Variants in TACC2 observed in about 807,000 individuals in gnomAD.
TACC2 encodes transforming acidic coiled-coil-containing protein 2.
Under a neutral mutation model 227.3 loss-of-function variants are expected in TACC2, and 137 were observed. That is an observed-to-expected ratio of 0.60 (90% CI 0.52 to 0.69). The LOEUF is 0.69. Ranked by LOEUF, TACC2 falls within the 30% of genes least tolerant of loss-of-function variation. The pLI is 0.00. For synonymous variants in TACC2, 1,523 were observed against 1,487.5 expected (o/e 1.02, Z -0.55); for missense variants, 3,470 against 3,694.4 (o/e 0.94, Z 1.57).
rs751695214 is a variant in TACC2 at position 122,085,186 on chromosome 10, G to A, written c.2686G>A (p.Ala896Thr). The A allele has an allele frequency of 1.2e-6, 2 of 1,614,002 alleles. No individual in the cohort carries two copies. The highest frequency in any genetic ancestry group is 2.7e-5 in the African/African-American group (2 of 74,908). The change falls in exon 4 of 23, where the codon GCT becomes ACT. Residue 896 changes from alanine to threonine, a missense_variant. This residue lies in a region of TACC2 where 1,924 missense variants were observed against 1,978.3 expected (regional missense o/e 0.97). Coordinates refer to ENST00000369005, the MANE Select transcript of TACC2 (RefSeq NM_206862.4). ...GCCCACTCATGGAGGACAGGAGCAG[G>A]CTTTGGGATCAGAACTTCAAAGTCA... Reference protein sequence around the residue: ...NLPTHGGQEQALGSELQSQLP... With the variant: ...NLPTHGGQEQTLGSELQSQLP...
At chr10:122,143,087 G>T (rs550266716) in intron 6 of TACC2, among the ~76,000 whole-genome samples, 3 of 152,332 alleles carry the variant, frequency 2.0e-5, no homozygotes, top group South Asian at 4.1e-4. Flanking sequence ...TGGTCCCGGG[G>T]CAGGTTCCCG....
In TACC2 at chr10:122,211,440, A is replaced by G. The variant is rs2095290668; in HGVS notation, c.7015A>G (p.Ile2339Val). The G allele has an allele frequency of 6.2e-7, 1 of 1,613,984 alleles. No homozygotes were observed. Among genetic ancestry groups the G allele is most frequent in the African/African-American group, 1.3e-5 (1 of 74,878 alleles). Reference sequence around the variant, plus strand: ...TGCTAAAGGTACTTACACCTTTGATATTGACAAGTGGGATGACCCCAATTT... The same window carrying G: ...TGCTAAAGGTACTTACACCTTTGATGTTGACAAGTGGGATGACCCCAATTT... ...PIAKGTYTFD[I>V]DKWDDPNFNP... is the part of the protein sequence containing the mutation. Residue 2339 changes from isoleucine to valine, a missense_variant, in exon 9 of 23, where the codon ATT becomes GTT. Physicochemically the swap from Ile to Val is conservative, Grantham distance 29 (BLOSUM62 3). Around this residue, in one of 10 missense-constraint regions of TACC2, gnomAD observed 593 missense variants for 636.6 expected, o/e 0.93. Coordinates refer to ENST00000369005, the MANE Select transcript of TACC2 (RefSeq NM_206862.4).
In TACC2 at chr10:122,210,686, C is replaced by T. The variant is rs1283604528; in HGVS notation, c.6261C>T (p.Leu2087=). 15 of 1,614,032 alleles carry T rather than the reference C, an allele frequency of 9.3e-6. No homozygotes were observed. The highest frequency in any genetic ancestry group is 1.7e-5 in the Admixed American group (1 of 59,996). ...CTAAGTCTACACTGTCCCGGTCGCTCAGCCTGCAAGCCAGTGACTTTGATG... is the reference window on the plus strand; with the variant it reads ...CTAAGTCTACACTGTCCCGGTCGCTTAGCCTGCAAGCCAGTGACTTTGATG... ...PISKSTLSRS[L]SLQASDFDGA... is the part of the protein sequence containing the mutation. The change falls in exon 9 of 23, where the codon CTC becomes CTT. Residue 2087 remains leucine (L), a synonymous_variant. Coordinates refer to ENST00000369005, the MANE Select transcript of TACC2 (RefSeq NM_206862.4). This position sits in a 1 kb window ranked among gnomAD's most constrained non-coding sequence, Gnocchi z 4.6.
chr10:122,049,216 T>G (rs1048948702), intron 2 of TACC2, among the ~76,000 whole-genome samples: 1 of 152,226 alleles, frequency 6.6e-6, no homozygotes, highest in Admixed American at 6.5e-5. Context: ...AGCTCCCAGA[T>G]GGCTAGGGCA....
At chr10:122,134,544 C>T (rs959319708) in intron 6 of TACC2, among the ~76,000 whole-genome samples, 13 of 152,308 alleles carry the variant, frequency 8.5e-5, no homozygotes, top group Middle Eastern at 3.4e-3. Context: ...TAGCTGCGAA[C>T]GAAGGCCCCC....
chr10:122,163,725 C>T, intron 7 of TACC2: 1 of 1,158,422 alleles, frequency 8.6e-7, no homozygotes, highest in Non-Finnish European at 1.1e-6. Context: ...ATACGCGGCG[C>T]TCGCCCCCCG....
chr10:122,163,681 C>G, intron 7 of TACC2: 1 of 1,067,370 alleles, frequency 9.4e-7, no homozygotes, highest in South Asian at 4.5e-5. Flanking sequence ...GCCGGCCACA[C>G]TCGGGCGCGC....
chr10:122,046,093 T>C (rs2074954389), intron 2 of TACC2, among the ~76,000 whole-genome samples: 1 of 151,878 alleles, frequency 6.6e-6, no homozygotes, highest in East Asian at 1.9e-4. Context: ...GAGAATTGCT[T>C]GAACCCGGGA....
rs1441479270 is a variant in TACC2 at position 122,211,104 on chromosome 10, C to T, written c.6679C>T (p.Pro2227Ser). 1.9e-6 allele frequency: 3 copies of T among 1,611,846 alleles called. No homozygotes were observed. Among genetic ancestry groups the T allele is most frequent in the East Asian group, 4.5e-5 (2 of 44,846 alleles). The stretch of plus-strand genomic sequence containing the variant: ...TGGAGGTGGCAGAGTGCAGAACTCA[C>T]CCCCTGTCGGGAGGAAAACGCTGCC... ...ASGGGRVQNS[P>S]PVGRKTLPLT... Residue 2227 changes from proline (P) to serine (S), a missense_variant, in exon 9 of 23, where the codon CCC (proline) becomes TCC (serine). Physicochemically the swap from Pro to Ser is moderately conservative, Grantham distance 74. Coordinates refer to ENST00000369005, the MANE Select transcript of TACC2 (RefSeq NM_206862.4).
Position 122,084,301 on chromosome 10 carries a change from G to A in TACC2, c.1801G>A (p.Ala601Thr). 6.2e-7 allele frequency: 1 copy of A among 1,613,984 alleles called. No individual in the cohort carries two copies. The highest frequency in any genetic ancestry group is 8.5e-7 in the Non-Finnish European group (1 of 1,180,044). The part of the protein sequence containing the change: ...PGNLQGEDSQ[A>T]FSSKRDPEVG... ...GAACCTGCAAGGAGAGGACTCTCAG[G>A]CTTTCAGCAGCAAGCGTGATCCAGA... is the stretch of plus-strand genomic sequence containing the variant. Residue 601 changes from alanine (A) to threonine (T), a missense_variant, in exon 4 of 23, where the codon GCT (alanine) becomes ACT (threonine). Ala to Thr is a moderately conservative substitution (Grantham distance 58, BLOSUM62 0). Transcript: ENST00000369005.
chr10:122,178,884 C>T (rs2093852797), intron 7 of TACC2, among the ~76,000 whole-genome samples: 1 of 152,092 alleles, frequency 6.6e-6, no homozygotes, highest in African/African-American at 2.4e-5. Flanking sequence ...CTCAACAAAA[C>T]AAAACACAGG....
chr10:122,142,735 C>T (rs918664429), intron 6 of TACC2, among the ~76,000 whole-genome samples: 3 of 152,222 alleles, frequency 2.0e-5, no homozygotes, highest in African/African-American at 7.2e-5. Context: ...TGTATTCCAG[C>T]CTGGCTACCC....
intron 1 of TACC2, among the ~76,000 whole-genome samples, chr10:122,009,396 C>T (rs571881964): frequency 5.3e-5 from 8 of 152,124 alleles, no homozygotes; most frequent in South Asian, 2.1e-4. Flanking sequence ...CTCAGCTACT[C>T]GGGAGGCTGA....
intron 10 of TACC2, among the ~76,000 whole-genome samples, chr10:122,216,293 A>G (rs1446718867): frequency 6.6e-6 from 1 of 152,136 alleles, no homozygotes; most frequent in African/African-American, 2.4e-5. Flanking sequence ...ATTGATGTGC[A>G]GGCCTGAAGC....
chr10:122,249,532 C>T lies in TACC2; in HGVS notation c.8661-12C>T, dbSNP rs1225937273. 3 of 1,612,790 alleles carry T rather than the reference C, an allele frequency of 1.9e-6. No individual in the cohort carries two copies. The highest frequency in any genetic ancestry group is 1.1e-5 in the South Asian group (1 of 90,950). On this transcript the variant is annotated splice_polypyrimidine_tract_variant and intron_variant, in intron 21 of 22. Transcript: ENST00000369005. Reference sequence around the variant, plus strand: ...CAAAAGAGTGATAATTCTGAGCTCCCTGTCTCCGCAGGGCCAATGCTGAGA... The same window carrying T: ...CAAAAGAGTGATAATTCTGAGCTCCTTGTCTCCGCAGGGCCAATGCTGAGA...
intron 7 of TACC2, among the ~76,000 whole-genome samples, chr10:122,189,856 C>T (rs185542616): frequency 2.0e-4 from 30 of 152,328 alleles, no homozygotes; most frequent in African/African-American, 6.5e-4. Flanking sequence ...CTCTAGCTGT[C>T]ATGAATGGGC....
intron 2 of TACC2, among the ~76,000 whole-genome samples, chr10:122,033,926 C>T (rs1247492457): frequency 6.6e-6 from 1 of 151,998 alleles, no homozygotes; most frequent in Non-Finnish European, 1.5e-5. Context: ...CTGAGGAGGG[C>T]AGATCACTTG....
chr10:122,195,273 C>A, intron 8 of TACC2, 97 bp downstream of exon 8: 1 of 1,116,730 alleles, frequency 9.0e-7, no homozygotes, highest in South Asian at 1.7e-5. Flanking sequence ...TGGAGGCGAG[C>A]ACTGACTCGA....
Position 122,084,685 on chromosome 10 carries a change from G to T in TACC2, c.2185G>T (p.Ala729Ser), listed in dbSNP as rs2079901701. 1 of 1,613,572 alleles carries T rather than the reference G, an allele frequency of 6.2e-7. No individual in the cohort carries two copies. Among genetic ancestry groups the T allele is most frequent in the Admixed American group, 1.7e-5 (1 of 60,014 alleles). Reference sequence around the variant, plus strand: ...ATCAGATTTTCCACCAACTCCTGTTGCAGAGGTTGCACCCAAAGCCCAGGA... The same window carrying T: ...ATCAGATTTTCCACCAACTCCTGTTTCAGAGGTTGCACCCAAAGCCCAGGA... Reference protein sequence around the residue: ...EKSDFPPTPVAEVAPKAQEGE... With the variant: ...EKSDFPPTPVSEVAPKAQEGE... Residue 729 changes from alanine to serine, a missense_variant, in exon 4 of 23, where the codon GCA becomes TCA. Physicochemically the swap from Ala to Ser is moderately conservative, Grantham distance 99 (BLOSUM62 1). Around this residue, in one of 10 missense-constraint regions of TACC2, gnomAD observed 1,924 missense variants for 1,978.3 expected, o/e 0.97. Coordinates refer to ENST00000369005, the MANE Select transcript of TACC2 (RefSeq NM_206862.4).
Sources: gnomAD v4.1 joint callset for allele counts (sites outside exome capture counted in the v4.1 genomes callset) on GRCh38, gnomAD v4.1.1 for gene constraint, gnomAD v4.1.1 regional missense constraint, Gnocchi (gnomAD v3.1) non-coding constraint, MANE v1.5 for transcripts, NCBI Gene and HGNC (gene_info 2026-07-23, HGNC 2026-07-21) for gene names.